The following DLGAP2 variants were observed in gnomAD, a reference collection of about 807,000 sequenced individuals.
The protein encoded by DLGAP2 is disks large-associated protein 2.
DLGAP2 carries 26 observed loss-of-function variants against 100.3 expected under a neutral mutation model. The ratio of observed to expected loss-of-function variants is 0.26; its 90% CI spans 0.19 to 0.36. The LOEUF (loss-of-function observed/expected upper bound fraction) is 0.36, where lower values mean the gene tolerates loss of function less well. Among genes scored for constraint, DLGAP2 ranks in the 10% least tolerant of loss-of-function variants. The pLI, the probability that DLGAP2 is intolerant of heterozygous loss-of-function variation, is 1.00. For missense variants in DLGAP2, 1,858 were observed against 1,453.2 expected (o/e 1.28, Z -4.53); for synonymous variants, 886 against 630.1 (o/e 1.41, Z -6.08).
chr8:1,526,454 C>T (rs532352227), intron 4 of DLGAP2, among the ~76,000 whole-genome samples: 62 of 152,160 alleles, frequency 4.1e-4, no homozygotes, highest in African/African-American at 1.3e-3. Context: ...ACTTAGACTC[C>T]GGAGCCCAGG....
At chr8:1,584,100 T>C (rs1453361518) in intron 6 of DLGAP2, among the ~76,000 whole-genome samples, 12 of 152,154 alleles carry the variant, frequency 7.9e-5, no homozygotes, top group African/African-American at 2.9e-4. Context: ...AAGAGCTGTC[T>C]CATTTATCAT....
At chr8:1,359,248 C>T (rs780885940) in intron 3 of DLGAP2, among the ~76,000 whole-genome samples, 1 of 152,218 alleles carries the variant, frequency 6.6e-6, no homozygotes, top group Non-Finnish European at 1.5e-5. Flanking sequence ...GGACGCATCC[C>T]CTTCTCCTCG....
At chr8:1,305,472 A>G (rs1585242334) in intron 3 of DLGAP2, among the ~76,000 whole-genome samples, 1 of 152,292 alleles carries the variant, frequency 6.6e-6, no homozygotes, top group Middle Eastern at 3.4e-3. Context: ...GGTGTCTGTA[A>G]GGTCTTTATT....
At chr8:1,638,055 G>A (rs1237351290) in intron 8 of DLGAP2, among the ~76,000 whole-genome samples, 1 of 152,198 alleles carries the variant, frequency 6.6e-6, no homozygotes, top group Non-Finnish European at 1.5e-5. Context: ...GGAGAGGCTG[G>A]AAGGCAGGAC....
rs533302324 is a variant in DLGAP2, at chr8:1,704,218, A to C, written c.*2812A>C. 3 of 152,562 alleles carry C rather than the reference A, an allele frequency of 2.0e-5. No homozygotes were observed. The South Asian group carries it at 6.2e-4, about 32-fold the overall frequency. 9.5% of individuals were successfully genotyped at this position (152,562 alleles called of 1,614,324 possible). On this transcript the variant is annotated 3_prime_UTR_variant, in exon 15 of 15. Coordinates refer to ENST00000637795, the MANE Select transcript of DLGAP2 (RefSeq NM_001346810.2). ...ATATTTAAAATATAACTTCAAGAAA[A>C]GAGTAAACATCCATTGGAGAACACG...
At chr8:1,678,164 G>A (rs774884159) in intron 11 of DLGAP2, 50 bp from the exon 12 acceptor site, 1 of 1,553,302 alleles carries the variant, frequency 6.4e-7, no homozygotes, top group East Asian at 2.3e-5. Context: ...TTTGTTGCAT[G>A]AAGTCCTCTC....
At chr8:1,040,731 G>A (rs1308390722) in intron 2 of DLGAP2, among the ~76,000 whole-genome samples, 1 of 152,184 alleles carries the variant, frequency 6.6e-6, no homozygotes, top group East Asian at 1.9e-4. Flanking sequence ...TCTGTGGTCA[G>A]CTCCGTTCAG....
At chr8:794,208 C>T (rs1795979459) in intron 1 of DLGAP2, among the ~76,000 whole-genome samples, 1 of 151,852 alleles carries the variant, frequency 6.6e-6, no homozygotes. Context: ...GGGCGTGTTT[C>T]TAGCTGCAGA....
At chr8:1,490,887 C>G (rs1429057733) in intron 3 of DLGAP2, among the ~76,000 whole-genome samples, 6 of 139,326 alleles carry the variant, frequency 4.3e-5, no homozygotes, top group African/African-American at 7.9e-5. Flanking sequence ...GGTGGGGGGA[C>G]GGGGGAGGGA....
intron 2 of DLGAP2, among the ~76,000 whole-genome samples, chr8:1,257,256 C>T (rs993143575): frequency 1.2e-4 from 18 of 152,130 alleles, no homozygotes; most frequent in Non-Finnish European, 7.3e-5. Flanking sequence ...AGGTGAGCTC[C>T]GTCCCCGCCC....
intron 2 of DLGAP2, among the ~76,000 whole-genome samples, chr8:1,254,966 T>TCTCCTGCC: frequency 7.5e-6 from 1 of 132,626 alleles, no homozygotes; most frequent in African/African-American, 3.5e-5. Context: ...GTGTGTCCTC[T>TCTCCTGCC]CATCCTGTCC....
chr8:1,353,600 G>T (rs1243794469), intron 3 of DLGAP2, among the ~76,000 whole-genome samples: 1 of 152,164 alleles, frequency 6.6e-6, no homozygotes, highest in Non-Finnish European at 1.5e-5. Flanking sequence ...AAGATGGTTT[G>T]TCAGGACATA....
chr8:1,477,032 C>T (rs752393951), intron 3 of DLGAP2, among the ~76,000 whole-genome samples: 2 of 152,242 alleles, frequency 1.3e-5, no homozygotes, highest in East Asian at 1.9e-4. Flanking sequence ...GGTTTATTCT[C>T]AGGTCATTCC....
intron 7 of DLGAP2, 48 bp downstream of exon 7, chr8:1,626,935 A>G: frequency 1.3e-6 from 2 of 1,547,798 alleles, no homozygotes; most frequent in Non-Finnish European, 1.7e-6. Context: ...CTCCCCAGCC[A>G]GGCTGGCACG....
intron 2 of DLGAP2, among the ~76,000 whole-genome samples, chr8:924,390 G>T (rs889580404): frequency 6.6e-6 from 1 of 152,118 alleles, no homozygotes; most frequent in Non-Finnish European, 1.5e-5. Flanking sequence ...CCCTGGGCTT[G>T]GACGTTGGGT....
At chr8:1,028,249 T>C (rs1373067565) in intron 2 of DLGAP2, among the ~76,000 whole-genome samples, 8 of 139,574 alleles carry the variant, frequency 5.7e-5, no homozygotes, top group Non-Finnish European at 1.2e-4. Flanking sequence ...CCAGGTGGGG[T>C]GTCAGGCGCC....
intron 2 of DLGAP2, among the ~76,000 whole-genome samples, chr8:1,033,386 G>C (rs1157613398): frequency 6.6e-6 from 1 of 152,214 alleles, no homozygotes; most frequent in African/African-American, 2.4e-5. Flanking sequence ...GCTGGGGGTT[G>C]GGGGTGGTGG....
At chr8:835,472 C>G (rs901409255) in intron 1 of DLGAP2, among the ~76,000 whole-genome samples, 1 of 151,744 alleles carries the variant, frequency 6.6e-6, no homozygotes, top group Non-Finnish European at 1.5e-5. Context: ...AGAATGCTCC[C>G]CACCCCACCC....
intron 1 of DLGAP2, among the ~76,000 whole-genome samples, chr8:850,689 A>G (rs568537674): frequency 1.3e-5 from 2 of 152,308 alleles, no homozygotes; most frequent in South Asian, 4.1e-4. Context: ...GCCTTTATGT[A>G]TTTTAGAATT....
Sources: gnomAD v4.1 joint callset for allele counts (sites outside exome capture counted in the v4.1 genomes callset) on GRCh38, gnomAD v4.1.1 for gene constraint, MANE v1.5 for transcripts, NCBI Gene and HGNC (gene_info 2026-07-23, HGNC 2026-07-21) for gene names.